Variants in CACNB2 observed in about 807,000 individuals in gnomAD.
CACNB2 encodes voltage-dependent L-type calcium channel subunit beta-2.
A neutral mutation model predicts 73.3 loss-of-function variants in CACNB2; 42 were observed. That is an observed-to-expected ratio of 0.57 (90% CI 0.45 to 0.74). The LOEUF (loss-of-function observed/expected upper bound fraction) is 0.74, where lower values mean the gene tolerates loss of function less well. CACNB2 is among the 30% of genes least tolerant of loss of function. The pLI, the probability that CACNB2 is intolerant of heterozygous loss-of-function variation, is 0.00. For missense variants in CACNB2, 940 were observed against 853.0 expected, an observed-to-expected ratio of 1.10 and a Z score of -1.27; for synonymous variants, 348 against 310.3, an observed-to-expected ratio of 1.12 and a Z score of -1.28.
At chr10:18,327,570 G>A (rs1161381846) in intron 2 of CACNB2, among the ~76,000 whole-genome samples, 4 of 152,180 alleles carry the variant, frequency 2.6e-5, no homozygotes, top group Non-Finnish European at 2.9e-5. Flanking sequence ...GATTACAGGC[G>A]CATGCTACCG....
intron 2 of CACNB2, among the ~76,000 whole-genome samples, chr10:18,370,085 C>A (rs2042515015): frequency 6.6e-6 from 1 of 152,198 alleles, no homozygotes; most frequent in African/African-American, 2.4e-5. Flanking sequence ...ATGTTTATAT[C>A]TGCACTGTCC....
intron 3 of CACNB2, among the ~76,000 whole-genome samples, chr10:18,436,615 G>C (rs2046150037): frequency 6.6e-6 from 1 of 151,972 alleles, no homozygotes. Flanking sequence ...AAGCATATTT[G>C]TTTGTTTGTT....
chr10:18,402,341 A>T (rs2044044912), intron 3 of CACNB2, among the ~76,000 whole-genome samples: 2 of 151,754 alleles, frequency 1.3e-5, no homozygotes, highest in African/African-American at 4.8e-5. Context: ...AACTGCACCT[A>T]ATATCAACAT....
At chr10:18,198,100 G>A (rs966721171) in intron 2 of CACNB2, among the ~76,000 whole-genome samples, 1 of 146,904 alleles carries the variant, frequency 6.8e-6, no homozygotes, top group African/African-American at 2.5e-5. Flanking sequence ...TAATTAACAT[G>A]TAATATATTC....
At chr10:18,220,547 C>A (rs2035751310) in intron 2 of CACNB2, among the ~76,000 whole-genome samples, 1 of 151,862 alleles carries the variant, frequency 6.6e-6, no homozygotes, top group African/African-American at 2.4e-5. Context: ...CAGGTGTGAG[C>A]CACCGCACCC....
intron 2 of CACNB2, among the ~76,000 whole-genome samples, chr10:18,389,153 T>G (rs940514665): frequency 2.6e-4 from 40 of 152,328 alleles, no homozygotes; most frequent in Non-Finnish European, 4.4e-5. Flanking sequence ...TTTTTGTTTT[T>G]TTGAGATGGG....
Position 18,328,192 on chromosome 10 carries a change from G to C in CACNB2, c.214-73732G>C, listed in dbSNP as rs150030791. On this transcript the variant is annotated intron_variant, in intron 2 of 13. Coordinates refer to ENST00000324631, the MANE Select transcript of CACNB2 (RefSeq NM_201596.3). ...ACAATGATGAACCATGCAGAGAAAA[G>C]AGGAGAATTTACATGGCCCTAAAAC... Among the ~76,000 whole-genome samples the C allele has an allele frequency of 1.7e-3, 266 of 152,292 alleles. 6 individuals are homozygous for C. In the East Asian group the frequency reaches 0.045, roughly 26 times the overall value.
intron 3 of CACNB2, among the ~76,000 whole-genome samples, chr10:18,445,074 AC>A (rs1420787839): frequency 1.3e-5 from 2 of 152,176 alleles, no homozygotes; most frequent in Admixed American, 6.5e-5. Flanking sequence ...GTTTTTCCCT[AC>A]CACAAGTATC....
chr10:18,295,353 G>C (rs1256679973), intron 2 of CACNB2, among the ~76,000 whole-genome samples: 3 of 152,318 alleles, frequency 2.0e-5, no homozygotes, highest in South Asian at 2.1e-4. Flanking sequence ...CCTAATGGCT[G>C]TAGACCTGAC....
At chr10:18,185,498 T>A (rs1175182279) in intron 2 of CACNB2, among the ~76,000 whole-genome samples, 1 of 152,234 alleles carries the variant, frequency 6.6e-6, no homozygotes, top group African/African-American at 2.4e-5. Flanking sequence ...TTGGATTTGC[T>A]GTTGCCCTGG....
intron 2 of CACNB2, among the ~76,000 whole-genome samples, chr10:18,275,248 C>T (rs1373383770): frequency 6.6e-6 from 1 of 152,164 alleles, no homozygotes; most frequent in Non-Finnish European, 1.5e-5. Context: ...CGTTTTCTGC[C>T]AGGCCTCTGA....
intron 2 of CACNB2, among the ~76,000 whole-genome samples, chr10:18,178,951 A>G (rs1028270627): frequency 1.4e-4 from 21 of 152,300 alleles, no homozygotes; most frequent in Admixed American, 3.9e-4. Flanking sequence ...AACATAGAGC[A>G]GAAGTTGGGT....
At chr10:18,525,391 T>A (rs1180245163) in intron 9 of CACNB2, among the ~76,000 whole-genome samples, 1 of 152,188 alleles carries the variant, frequency 6.6e-6, no homozygotes, top group East Asian at 1.9e-4. Flanking sequence ...CCTTTCTGTT[T>A]AATTGCTAGT....
chr10:18,449,285 T>C (rs1241096118), intron 3 of CACNB2, among the ~76,000 whole-genome samples: 2 of 152,080 alleles, frequency 1.3e-5, no homozygotes, highest in Non-Finnish European at 2.9e-5. Context: ...CTCGGGAGGC[T>C]GAGGCAGGAG....
At chr10:18,482,745 C>A (rs1199051632) in intron 3 of CACNB2, among the ~76,000 whole-genome samples, 1 of 152,122 alleles carries the variant, frequency 6.6e-6, no homozygotes, top group Non-Finnish European at 1.5e-5. Flanking sequence ...CTCCTTACCT[C>A]AGGTGATCCG....
intron 2 of CACNB2, among the ~76,000 whole-genome samples, chr10:18,348,860 T>C (rs2041585167): frequency 6.6e-6 from 1 of 152,170 alleles, no homozygotes; most frequent in African/African-American, 2.4e-5. Context: ...GGCTGATGCC[T>C]GTAATCCTAG....
intron 2 of CACNB2, among the ~76,000 whole-genome samples, chr10:18,219,874 G>T (rs892406285): frequency 4.0e-5 from 6 of 150,366 alleles, no homozygotes; most frequent in African/African-American, 1.5e-4. Flanking sequence ...AGTTGAAGCA[G>T]TTCTCCGCCT....
intron 2 of CACNB2, among the ~76,000 whole-genome samples, chr10:18,154,040 A>G (rs377040438): frequency 3.9e-5 from 6 of 151,970 alleles, no homozygotes; most frequent in Non-Finnish European, 7.4e-5. Flanking sequence ...TATTTGCCCA[A>G]TAGAATTTTG....
intron 2 of CACNB2, among the ~76,000 whole-genome samples, chr10:18,399,458 C>G (rs927020173): frequency 3.3e-5 from 5 of 152,096 alleles, no homozygotes; most frequent in Admixed American, 1.3e-4. Context: ...TTCTGAAACC[C>G]CTATTCTACG....
Sources: allele counts gnomAD v4.1 joint callset (sites outside exome capture counted in the v4.1 genomes callset), GRCh38; gene constraint gnomAD v4.1.1; transcripts MANE v1.5; gene names NCBI Gene and HGNC (gene_info 2026-07-23, HGNC 2026-07-21).